The following HERC3 variants were observed in gnomAD, a reference collection of about 807,000 sequenced individuals.
HERC3 encodes the protein HECT and RLD domain containing E3 ubiquitin protein ligase 3.
HERC3 carries 58 observed loss-of-function variants against 129.9 expected under a neutral mutation model. That is an observed-to-expected ratio of 0.45 (90% confidence interval 0.36 to 0.56). The LOEUF is 0.56. Ranked by LOEUF, HERC3 falls within the 20% of genes least tolerant of loss-of-function variation. HERC3 has a pLI of 0.00. For synonymous variants in HERC3, 430 were observed against 451.0 expected, an observed-to-expected ratio of 0.95 and a Z score of 0.59; for missense variants, 835 against 1,244.2, an observed-to-expected ratio of 0.67 and a Z score of 4.95.
rs111993353 is a variant in HERC3, at chr4:88,680,309, A to G, written c.2340+73A>G. On this transcript the variant is annotated intron_variant, in intron 20 of 25. Coordinates refer to ENST00000402738, the MANE Select transcript of HERC3 (RefSeq NM_014606.3). The stretch of plus-strand genomic sequence containing the variant: ...CTTTTTGTTGTCAGACCAATCCCCT[A>G]ACTTCTAACTTTGCAAAGGGGAACA... 3.5e-3 allele frequency: 4,042 copies of G among 1,158,364 alleles called. 102 individuals carry two copies. The African/African-American group carries it at 0.057, about 16-fold the overall frequency. 71.8% of individuals were successfully genotyped at this position (1,158,364 alleles called of 1,614,324 possible).
At chr4:88,547,924 G>A in the HERC3 span, among the ~76,000 whole-genome samples, 1 of 152,140 alleles carries the variant, frequency 6.6e-6, no homozygotes, top group Non-Finnish European at 1.5e-5. Flanking sequence ...CCAAAGTGCT[G>A]GGATTACAGG....
At chr4:88,563,803 C>T in the HERC3 span, among the ~76,000 whole-genome samples, 1 of 151,900 alleles carries the variant, frequency 6.6e-6, no homozygotes, top group Non-Finnish European at 1.5e-5. Context: ...GGATTACAGG[C>T]ATGCACCACC....
At chr4:88,577,867 G>A in the HERC3 span, among the ~76,000 whole-genome samples, 1 of 152,080 alleles carries the variant, frequency 6.6e-6, no homozygotes, top group Non-Finnish European at 1.5e-5. Context: ...TACTATGAGT[G>A]AACTTTAGAG....
At position 88,670,223 on chromosome 4, in the gene HERC3, C is replaced by A; in HGVS notation, c.1882C>A (p.Leu628Ile). 7 of 1,611,416 alleles carry A rather than the reference C, an allele frequency of 4.3e-6. No homozygotes were observed. Among genetic ancestry groups the A allele is most frequent in the Non-Finnish European group, 5.9e-6 (7 of 1,177,790 alleles). ...SNLVDIQEDY[L>I]MWFLHQAGMK... ...TCTCGTGGACATTCAGGAAGACTACCTCATGTGGTTCTTGCATCAAGCAGG... is the reference window on the plus strand; with the variant it reads ...TCTCGTGGACATTCAGGAAGACTACATCATGTGGTTCTTGCATCAAGCAGG... The change falls in exon 16 of 26, where the codon CTC (leucine) becomes ATC (isoleucine). Residue 628 changes from leucine (L) to isoleucine (I), a missense_variant. Leu to Ile is a conservative substitution (Grantham distance 5). Coordinates refer to ENST00000402738, the MANE Select transcript of HERC3 (RefSeq NM_014606.3).
chr4:88,681,259 A>T lies in HERC3; in HGVS notation c.2441A>T (p.Tyr814Phe). 1 of 1,614,054 alleles carries T rather than the reference A, an allele frequency of 6.2e-7. No individual in the cohort carries two copies. The highest frequency in any genetic ancestry group is 1.3e-5 in the African/African-American group (1 of 75,048). ...VVDLHFPLAL[Y>F]KKLLNVKPGL... ...GATCTCCACTTCCCATTGGCTCTCT[A>T]CAAGAAGTTACTCAATGTAAAGCCT... is the stretch of plus-strand genomic sequence containing the variant. The change falls in exon 21 of 26, where the codon TAC (tyrosine) becomes TTC (phenylalanine). Residue 814 changes from tyrosine to phenylalanine, a missense_variant. Coordinates refer to ENST00000402738, the MANE Select transcript of HERC3 (RefSeq NM_014606.3).
At chr4:88,595,204 A>T (rs1382021990) in intron 1 of HERC3, among the ~76,000 whole-genome samples, 1 of 152,130 alleles carries the variant, frequency 6.6e-6, no homozygotes, top group Non-Finnish European at 1.5e-5. Flanking sequence ...AAAATAAAGA[A>T]AATAGACAAA....
At chr4:88,598,937 A>G (rs1222758411) in intron 2 of HERC3, among the ~76,000 whole-genome samples, 1 of 152,230 alleles carries the variant, frequency 6.6e-6, no homozygotes, top group African/African-American at 2.4e-5. Flanking sequence ...AATGCAGCCA[A>G]GCGGGGCTGG....
chr4:88,602,334 G>A (rs1403825669), intron 2 of HERC3, among the ~76,000 whole-genome samples: 12 of 146,986 alleles, frequency 8.2e-5, no homozygotes, highest in Admixed American at 2.1e-4. Context: ...CCTGTGAGGC[G>A]TAGGTTGCAG....
chr4:88,524,984 C>A, the HERC3 span: 1 of 151,816 alleles, frequency 6.6e-6, no homozygotes, highest in Non-Finnish European at 1.5e-5. Context: ...TTTATATGTT[C>A]ATCCTAATTT....
the HERC3 span, among the ~76,000 whole-genome samples, chr4:88,581,310 T>TTA: frequency 5.5e-3 from 834 of 150,720 alleles, 4 homozygotes; most frequent in Middle Eastern, 0.014. Flanking sequence ...TATTATTATT[T>TTA]TTTTTTTGAG....
rs1482904654 is a variant in HERC3, at chr4:88,704,487, C to G, written c.2842-21C>G. On this transcript the variant is annotated intron_variant, in intron 24 of 25. Transcript: ENST00000402738. ...ATATTCTTCCAAGATACATTTTTTT[C>G]TTTTTCTCTTTTTTGGACAGACTGC... 16 of 1,503,532 alleles carry G rather than the reference C, an allele frequency of 1.1e-5. No individual in the cohort carries two copies. In the East Asian group the frequency reaches 2.3e-4, roughly 21 times the overall value. 93.1% of individuals were successfully genotyped at this position (1,503,532 alleles called of 1,614,324 possible).
At chr4:88,697,357 G>T in intron 23 of HERC3, 2 of 1,613,666 alleles carry the variant, frequency 1.2e-6, no homozygotes, top group Non-Finnish European at 1.7e-6. Context: ...CCCCTCCAAG[G>T]TCCATGCACA....
intron 10 of HERC3, among the ~76,000 whole-genome samples, chr4:88,660,173 C>G (rs1229262602): frequency 6.6e-6 from 1 of 151,990 alleles, no homozygotes; most frequent in Non-Finnish European, 1.5e-5. Flanking sequence ...ACTTAAAGAA[C>G]CAAGAAAAAG....
the HERC3 span, among the ~76,000 whole-genome samples, chr4:88,575,025 T>G: frequency 6.6e-6 from 1 of 152,186 alleles, no homozygotes; most frequent in African/African-American, 2.4e-5. Flanking sequence ...ACTGTTTATT[T>G]TAAAACTCAT....
At chr4:88,689,398 A>G (rs1404674178) in intron 23 of HERC3, among the ~76,000 whole-genome samples, 1 of 151,330 alleles carries the variant, frequency 6.6e-6, no homozygotes, top group African/African-American at 2.4e-5. Flanking sequence ...GCACATCTGT[A>G]GTTCCAGCTA....
intron 3 of HERC3, among the ~76,000 whole-genome samples, chr4:88,609,795 C>A (rs1724085075): frequency 3.3e-5 from 5 of 152,062 alleles, no homozygotes; most frequent in Admixed American, 3.3e-4. Context: ...GTCCGTGGTA[C>A]AAAATGAAAA....
chr4:88,574,759 C>T, the HERC3 span, among the ~76,000 whole-genome samples: 18 of 152,278 alleles, frequency 1.2e-4, no homozygotes, highest in South Asian at 4.1e-4. Flanking sequence ...TACTACCTTT[C>T]GAAGGCCGAA....
intron 10 of HERC3, among the ~76,000 whole-genome samples, chr4:88,661,171 A>G (rs1026516134): frequency 1.3e-5 from 2 of 152,354 alleles, no homozygotes; most frequent in Non-Finnish European, 2.9e-5. Flanking sequence ...AATAAAATTT[A>G]CGTAACAACA....
At chr4:88,595,891 C>T (rs1722326081) in intron 2 of HERC3, among the ~76,000 whole-genome samples, 1 of 147,226 alleles carries the variant, frequency 6.8e-6, no homozygotes, top group South Asian at 2.2e-4. Context: ...GGCTGTCGCC[C>T]ACGCTGGAGT....
Sources: allele counts gnomAD v4.1 joint callset (sites outside exome capture counted in the v4.1 genomes callset), GRCh38; gene constraint gnomAD v4.1.1; transcripts MANE v1.5; gene names NCBI Gene and HGNC (gene_info 2026-07-23, HGNC 2026-07-21).